Variants in VGLL4 observed in about 807,000 individuals in gnomAD.
VGLL4 encodes the protein vestigial like family member 4, also known as transcription cofactor vestigial-like protein 4.
A neutral mutation model predicts 21.0 loss-of-function variants in VGLL4; 7 were observed. That is an observed-to-expected ratio of 0.33 (90% CI 0.19 to 0.63). The LOEUF (loss-of-function observed/expected upper bound fraction) is 0.63, where lower values mean the gene tolerates loss of function less well. Ranked by LOEUF, VGLL4 falls within the 20% of genes least tolerant of loss-of-function variation. The pLI, the probability that VGLL4 is intolerant of heterozygous loss-of-function variation, is 0.78. For synonymous variants in VGLL4, 222 were observed against 173.2 expected (o/e 1.28, Z -2.21); for missense variants, 394 against 425.7 (o/e 0.93, Z 0.66).
At chr3:11,630,228 C>A (rs189138213) in intron 1 of VGLL4, among the ~76,000 whole-genome samples, 1 of 152,304 alleles carries the variant, frequency 6.6e-6, no homozygotes, top group Non-Finnish European at 1.5e-5. Context: ...TCAACAGTGT[C>A]ATAATAGGCA....
At chr3:11,560,857 C>T (rs1012645399) in intron 3 of VGLL4, among the ~76,000 whole-genome samples, 9 of 152,172 alleles carry the variant, frequency 5.9e-5, no homozygotes, top group African/African-American at 1.9e-4. Context: ...TGAATGTCCA[C>T]GTTCTGCCTG....
At chr3:11,705,783 G>A (rs907728836) in intron 1 of VGLL4, among the ~76,000 whole-genome samples, 4 of 152,316 alleles carry the variant, frequency 2.6e-5, no homozygotes, top group Admixed American at 2.0e-4. Context: ...TTAGCCAGGC[G>A]CGGTGGCGGG....
chr3:11,611,621 C>A (rs2075064701), intron 1 of VGLL4: 1 of 152,260 alleles, frequency 6.6e-6, no homozygotes, highest in Admixed American at 6.5e-5. Context: ...TCCCATCTGT[C>A]TGACCTAACA....
At chr3:11,702,924 G>T in intron 2 of VGLL4, 1 of 1,544,724 alleles carries the variant, frequency 6.5e-7, no homozygotes, top group South Asian at 1.2e-5. Context: ...AGAAGACAAG[G>T]GATCATTAAA....
At chr3:11,652,581 C>T (rs1056978510) in intron 2 of VGLL4, among the ~76,000 whole-genome samples, 2 of 152,050 alleles carry the variant, frequency 1.3e-5, no homozygotes, top group Non-Finnish European at 2.9e-5. Flanking sequence ...CCACCACGCC[C>T]GGGTAATTTT....
chr3:11,587,662 C>T (rs1436407245), intron 2 of VGLL4, among the ~76,000 whole-genome samples: 4 of 152,238 alleles, frequency 2.6e-5, no homozygotes, highest in Non-Finnish European at 1.5e-5. Context: ...AGCAAATCTG[C>T]ACTTTGGGTC....
At chr3:11,666,017 G>A (rs914148013) in intron 2 of VGLL4, among the ~76,000 whole-genome samples, 6 of 152,096 alleles carry the variant, frequency 3.9e-5, no homozygotes, top group African/African-American at 1.4e-4. Flanking sequence ...TTGGGAGGCC[G>A]AGGCGGGCGG....
chr3:11,717,531 G>T (rs1007749353), intron 1 of VGLL4, among the ~76,000 whole-genome samples: 1 of 130,270 alleles, frequency 7.7e-6, no homozygotes, highest in Non-Finnish European at 1.5e-5. Context: ...GTTGGGAGCC[G>T]GGAGTCTCTC....
At chr3:11,575,432 G>T (rs1426509776) in intron 2 of VGLL4, among the ~76,000 whole-genome samples, 1 of 152,184 alleles carries the variant, frequency 6.6e-6, no homozygotes. Context: ...AGCTCAGCTG[G>T]AATGTGCATC....
intron 2 of VGLL4, among the ~76,000 whole-genome samples, chr3:11,583,283 A>G (rs1192561920): frequency 6.6e-6 from 1 of 151,648 alleles, no homozygotes; most frequent in African/African-American, 2.4e-5. Context: ...TATAAAAGAC[A>G]AGATAAAAGC....
chr3:11,570,109 T>C (rs1297732146), intron 2 of VGLL4, among the ~76,000 whole-genome samples: 1 of 151,978 alleles, frequency 6.6e-6, no homozygotes, highest in Non-Finnish European at 1.5e-5. Flanking sequence ...ACAGGGCAGG[T>C]CAGCACCATC....
chr3:11,691,107 C>T (rs965817078), intron 2 of VGLL4, among the ~76,000 whole-genome samples: 1 of 151,466 alleles, frequency 6.6e-6, no homozygotes, highest in African/African-American at 2.4e-5. Flanking sequence ...TACAGAATTG[C>T]TACAGTAATT....
chr3:11,663,985 C>T (rs2076072768), intron 2 of VGLL4, among the ~76,000 whole-genome samples: 1 of 152,150 alleles, frequency 6.6e-6, no homozygotes, highest in South Asian at 2.1e-4. Flanking sequence ...GGCGCAGTGG[C>T]TCACAGCTGT....
chr3:11,564,849 G>C lies in VGLL4; in HGVS notation c.443C>G (p.Ala148Gly). Residue 148 changes from alanine (A) to glycine (G), a missense_variant, in exon 3 of 5, where the codon GCC (alanine) becomes GGC (glycine). Ala to Gly is a moderately conservative substitution (Grantham distance 60). Transcript: ENST00000430365. ...PLALTKNSLD[A>G]SRPAGLSPTL... ...GGGCGAGAGGCCGGCTGGCCTGCTG[G>C]CGTCCAGGCTGTTCTTGGTCAGTGC... is the stretch of plus-strand genomic sequence containing the variant. 1.2e-6 allele frequency: 2 copies of C among 1,604,794 alleles called. No individual in the cohort carries two copies. The highest frequency in any genetic ancestry group is 1.7e-6 in the Non-Finnish European group (2 of 1,176,800).
At chr3:11,566,945 G>A (rs181909543) in intron 2 of VGLL4, among the ~76,000 whole-genome samples, 2 of 152,318 alleles carry the variant, frequency 1.3e-5, no homozygotes, top group Admixed American at 6.5e-5. Flanking sequence ...GTATCGTGGA[G>A]TGGAACTGTG....
chr3:11,600,370 G>GA (rs11381868), intron 2 of VGLL4, among the ~76,000 whole-genome samples: 43,832 of 133,796 alleles, frequency 0.33, 7,503 homozygotes, highest in African/African-American at 0.51. Context: ...AAAAGAAAAA[G>GA]AAAAAAAAAA....
At chr3:11,682,064 G>T (rs2076379932) in intron 2 of VGLL4, among the ~76,000 whole-genome samples, 1 of 152,182 alleles carries the variant, frequency 6.6e-6, no homozygotes, top group Non-Finnish European at 1.5e-5. Flanking sequence ...TTCGAGACCA[G>T]TCTGGCCAAC....
chr3:11,651,812 CTTTCT>C (rs1404473172), intron 2 of VGLL4, among the ~76,000 whole-genome samples: 2 of 151,090 alleles, frequency 1.3e-5, no homozygotes, highest in Non-Finnish European at 2.9e-5. Context: ...TTTGTTGTTA[CTTTCT>C]TTTAAGAATT....
chr3:11,676,220 T>C (rs1361347853), intron 2 of VGLL4, among the ~76,000 whole-genome samples: 1 of 152,064 alleles, frequency 6.6e-6, no homozygotes, highest in African/African-American at 2.4e-5. Context: ...ACCCCGTCTC[T>C]ACTAAAAATA....
Sources: gnomAD v4.1 joint callset for allele counts (sites outside exome capture counted in the v4.1 genomes callset) on GRCh38, gnomAD v4.1.1 for gene constraint, MANE v1.5 for transcripts, NCBI Gene and HGNC (gene_info 2026-07-23, HGNC 2026-07-21) for gene names.